Variants in STT3B observed in about 807,000 individuals in gnomAD.
The protein encoded by STT3B is dolichyl-diphosphooligosaccharide--protein glycosyltransferase subunit STT3B.
A neutral mutation model predicts 96.8 loss-of-function variants in STT3B; 29 were observed. The ratio of observed to expected loss-of-function variants is 0.30; its 90% CI spans 0.22 to 0.41. The LOEUF is 0.41. Among genes scored for constraint, STT3B ranks in the 10% least tolerant of loss-of-function variants. The pLI, the probability that STT3B is intolerant of heterozygous loss-of-function variation, is 1.00. For synonymous variants in STT3B, 367 were observed against 360.0 expected, an observed-to-expected ratio of 1.02 and a Z score of -0.22; for missense variants, 640 against 1,022.3, an observed-to-expected ratio of 0.63 and a Z score of 5.10.
chr3:31,618,009 T>C (rs375082093), intron 8 of STT3B, 21 bp downstream of exon 8: 4 of 1,522,132 alleles, frequency 2.6e-6, no homozygotes, highest in Middle Eastern at 1.7e-4. Context: ...TTACATTATT[T>C]GGCATCATAT....
intron 1 of STT3B, among the ~76,000 whole-genome samples, chr3:31,552,612 C>G (rs1697588558): frequency 6.6e-6 from 1 of 152,024 alleles, no homozygotes; most frequent in African/African-American, 2.4e-5. Flanking sequence ...TTTTTTAACC[C>G]TTACGAGTGT....
intron 1 of STT3B, among the ~76,000 whole-genome samples, chr3:31,549,296 T>G (rs1697493313): frequency 6.6e-6 from 1 of 151,244 alleles, no homozygotes; most frequent in South Asian, 2.1e-4. Context: ...ATCTGCTCAT[T>G]GATAGCATCC....
rs560903774 is a variant in STT3B at position 31,626,064 on chromosome 3, T to C, written c.2010T>C (p.Asp670=). ...GAGGGGTTATTGGCTATTCTGGTGA[T>C]GATATCAACAAATTTCTCTGGATGG... ...IFGGVIGYSG[D]DINKFLWMVR... is the part of the protein sequence containing the mutation. The change falls in exon 13 of 16, where the codon GAT becomes GAC. Residue 670 remains aspartate (D), a synonymous_variant. Coordinates refer to ENST00000295770, the MANE Select transcript of STT3B (RefSeq NM_178862.3). The C allele has an allele frequency of 1.9e-6, 3 of 1,613,892 alleles. No homozygotes were observed. The highest frequency in any genetic ancestry group is 2.2e-5 in the East Asian group (1 of 44,814).
At chr3:31,557,185 A>C (rs1480738785) in intron 1 of STT3B, among the ~76,000 whole-genome samples, 2 of 152,162 alleles carry the variant, frequency 1.3e-5, no homozygotes, top group Non-Finnish European at 2.9e-5. Context: ...GTTGAAAATC[A>C]GTTGGCTGTA....
chr3:31,557,159 C>G (rs953861967), intron 1 of STT3B, among the ~76,000 whole-genome samples: 2 of 152,098 alleles, frequency 1.3e-5, no homozygotes, highest in South Asian at 2.1e-4. Flanking sequence ...CCCCAGTGTT[C>G]GTTCTTGAAG....
intron 1 of STT3B, among the ~76,000 whole-genome samples, chr3:31,558,062 G>A (rs181180901): frequency 6.6e-6 from 1 of 152,286 alleles, no homozygotes; most frequent in Admixed American, 6.5e-5. Flanking sequence ...TTGCTTATTA[G>A]CTCTAAGAGT....
At chr3:31,554,262 C>G (rs772903674) in intron 1 of STT3B, among the ~76,000 whole-genome samples, 1 of 152,090 alleles carries the variant, frequency 6.6e-6, no homozygotes, top group Non-Finnish European at 1.5e-5. Context: ...TTGTGAATCC[C>G]TTCCTGCCAG....
chr3:31,538,939 TTTTG>T (rs1037481595), intron 1 of STT3B, among the ~76,000 whole-genome samples: 9 of 152,130 alleles, frequency 5.9e-5, no homozygotes, highest in African/African-American at 1.9e-4. Context: ...CTGTAGGGTT[TTTTG>T]TTTGTTTTTA....
intron 5 of STT3B, among the ~76,000 whole-genome samples, chr3:31,610,018 G>A (rs1323778094): frequency 1.3e-5 from 2 of 152,122 alleles, no homozygotes; most frequent in Non-Finnish European, 2.9e-5. Flanking sequence ...ATTGTCCTTG[G>A]AAAAGAGAAA....
At chr3:31,568,667 T>G (rs1698068081) in intron 1 of STT3B, among the ~76,000 whole-genome samples, 1 of 152,240 alleles carries the variant, frequency 6.6e-6, no homozygotes, top group African/African-American at 2.4e-5. Flanking sequence ...ATAATTTTTT[T>G]TAACCTAAGA....
chr3:31,580,177 C>A, intron 3 of STT3B, 81 bp downstream of exon 3: 1 of 1,398,674 alleles, frequency 7.1e-7, no homozygotes, highest in Non-Finnish European at 9.8e-7. Context: ...GCAGATTTGT[C>A]TTTTACAAAT....
chr3:31,571,626 G>A (rs887980581), intron 1 of STT3B, among the ~76,000 whole-genome samples: 2 of 152,052 alleles, frequency 1.3e-5, no homozygotes, highest in African/African-American at 2.4e-5. Flanking sequence ...GACTTTGTAC[G>A]AAATGATTTG....
intron 3 of STT3B, among the ~76,000 whole-genome samples, chr3:31,586,454 AAG>A (rs1698538306): frequency 6.6e-6 from 1 of 152,050 alleles, no homozygotes; most frequent in Non-Finnish European, 1.5e-5. Flanking sequence ...TATCTTCTCT[AAG>A]AGATCTTTGC....
At chr3:31,613,864 C>T (rs1035187888) in intron 5 of STT3B, among the ~76,000 whole-genome samples, 6 of 151,864 alleles carry the variant, frequency 4.0e-5, no homozygotes, top group African/African-American at 1.4e-4. Flanking sequence ...TTGGAAAGAA[C>T]GTTATCTGAT....
At chr3:31,543,067 C>CA (rs10696158) in intron 1 of STT3B, among the ~76,000 whole-genome samples, 15,996 of 109,300 alleles carry the variant, frequency 0.15, 1,480 homozygotes, top group East Asian at 0.29. Flanking sequence ...CTCCATCTCA[C>CA]AAAAAAAAAA....
intron 1 of STT3B, among the ~76,000 whole-genome samples, chr3:31,573,938 G>A (rs1415055367): frequency 2.0e-5 from 3 of 151,972 alleles, no homozygotes; most frequent in Non-Finnish European, 2.9e-5. Context: ...AGAGACTGTT[G>A]TAGTCATTAA....
At chr3:31,536,930 C>G (rs1280894408) in intron 1 of STT3B, among the ~76,000 whole-genome samples, 1 of 152,250 alleles carries the variant, frequency 6.6e-6, no homozygotes, top group Non-Finnish European at 1.5e-5. Flanking sequence ...CAGATACCTT[C>G]TCCATATCCA....
At chr3:31,548,808 AATT>A (rs1697478763) in intron 1 of STT3B, among the ~76,000 whole-genome samples, 1 of 152,224 alleles carries the variant, frequency 6.6e-6, no homozygotes, top group Admixed American at 6.5e-5. Flanking sequence ...AGCACAAAGA[AATT>A]ATTATTTTGC....
intron 2 of STT3B, among the ~76,000 whole-genome samples, chr3:31,577,311 G>A (rs1363325614): frequency 6.6e-6 from 1 of 151,898 alleles, no homozygotes; most frequent in African/African-American, 2.4e-5. Context: ...ATTAAGAGAT[G>A]CATTTTAAGC....
Sources: allele counts gnomAD v4.1 joint callset (sites outside exome capture counted in the v4.1 genomes callset), GRCh38; gene constraint gnomAD v4.1.1; transcripts MANE v1.5; gene names NCBI Gene and HGNC (gene_info 2026-07-23, HGNC 2026-07-21).